The following WDR49 variants were observed in gnomAD, a reference collection of about 807,000 sequenced individuals.
WDR49 encodes the protein WD repeat domain 49, also known as cilia- and flagella-associated protein 337.
WDR49 carries 107 observed loss-of-function variants against 119.5 expected under a neutral mutation model. That is an observed-to-expected ratio of 0.90 (90% CI 0.77 to 1.05). The LOEUF (loss-of-function observed/expected upper bound fraction) is 1.05. WDR49 is among the 50% of genes least tolerant of loss of function. The pLI, the probability that WDR49 is intolerant of heterozygous loss-of-function variation, is 0.00. For missense variants in WDR49, 1,240 were observed against 1,220.5 expected (o/e 1.02, Z -0.24); for synonymous variants, 425 against 418.8 (o/e 1.01, Z -0.18).
upstream of WDR49, among the ~76,000 whole-genome samples, chr3:167,657,395 T>C (rs1466383397): frequency 6.6e-6 from 1 of 152,038 alleles, no homozygotes. Context: ...TACCATAATA[T>C]AATAAATCTA....
intron 2 of WDR49, among the ~76,000 whole-genome samples, chr3:167,639,825 A>T (rs929180555): frequency 3.3e-5 from 5 of 151,748 alleles, no homozygotes; most frequent in Non-Finnish European, 5.9e-5. Context: ...CATCCCAGAT[A>T]TCTGGCAAAA....
chr3:167,634,708 C>T (rs1309594180), intron 2 of WDR49, among the ~76,000 whole-genome samples: 1 of 151,776 alleles, frequency 6.6e-6, no homozygotes, highest in East Asian at 1.9e-4. Context: ...ACTTGACAGG[C>T]ATTTTTGTCA....
intron 8 of WDR49, among the ~76,000 whole-genome samples, chr3:167,567,453 T>C (rs1335658507): frequency 1.3e-5 from 2 of 152,228 alleles, no homozygotes; most frequent in Non-Finnish European, 2.9e-5. Flanking sequence ...CTGTTGTAGA[T>C]CCTGTGAAGT....
intron 10 of WDR49, among the ~76,000 whole-genome samples, chr3:167,543,645 G>C (rs1360932585): frequency 1.3e-5 from 2 of 151,702 alleles, no homozygotes; most frequent in African/African-American, 4.8e-5. Context: ...ATACTTCAAA[G>C]TAATAAAAGC....
chr3:167,560,677 C>A (rs1026175838), intron 8 of WDR49, among the ~76,000 whole-genome samples: 3 of 151,894 alleles, frequency 2.0e-5, no homozygotes, highest in Non-Finnish European at 4.4e-5. Flanking sequence ...ATGTTAATTT[C>A]AACAAATTAC....
chr3:167,647,385 T>C (rs1173653400), intron 2 of WDR49, among the ~76,000 whole-genome samples: 1 of 152,210 alleles, frequency 6.6e-6, no homozygotes, highest in East Asian at 1.9e-4. Flanking sequence ...GGCAGGAAGC[T>C]GTTAGAACTT....
At position 167,576,056 on chromosome 3, in the gene WDR49, A is replaced by C. The variant is rs1243783854; in HGVS notation, c.1371T>G (p.Phe457Leu). 1.2e-6 allele frequency: 2 copies of C among 1,614,096 alleles called. No individual in the cohort carries two copies. The highest frequency in any genetic ancestry group is 3.3e-5 in the Admixed American group (2 of 60,016). The change falls in exon 8 of 19, where the codon TTT becomes TTG. Residue 457 changes from phenylalanine (F) to leucine (L), a missense_variant. By Grantham distance (22) the Phe-to-Leu change is conservative (BLOSUM62 0). Coordinates refer to ENST00000682715, the MANE Select transcript of WDR49 (RefSeq NM_001366157.1). ...TGAAAAGTCGTCCATGGGCTTCATC[A>C]AAGTGGAAGAGACATCTGAAGTCCT... ...KSQDFRCLFH[F>L]DEAHGRLFIS...
Position 167,554,723 on chromosome 3 carries a change from G to T in WDR49, c.1750C>A (p.Leu584Ile), listed in dbSNP as rs374975469. The change falls in exon 10 of 19, where the codon CTC becomes ATC. Residue 584 changes from leucine (L) to isoleucine (I), a missense_variant. Coordinates refer to ENST00000682715, the MANE Select transcript of WDR49 (RefSeq NM_001366157.1). ...ACCAGTATTTTCTTCTTAAGAATGA[G>T]GATTTGTGAAATATCCACAGCTCCA... ...QDGAVDISQI[L>I]ILKKKILVTG... 5 of 1,613,192 alleles carry T rather than the reference G, an allele frequency of 3.1e-6. No individual in the cohort carries two copies. Among genetic ancestry groups the T allele is most frequent in the Non-Finnish European group, 4.2e-6 (5 of 1,179,666 alleles).
chr3:167,544,630 T>C (rs1486378626), intron 10 of WDR49, among the ~76,000 whole-genome samples: 1 of 151,988 alleles, frequency 6.6e-6, no homozygotes, highest in Non-Finnish European at 1.5e-5. Flanking sequence ...GCTAGGATAA[T>C]TGGCAAGCCA....
At chr3:167,558,303 C>T (rs148313856) in intron 9 of WDR49, among the ~76,000 whole-genome samples, 9 of 152,022 alleles carry the variant, frequency 5.9e-5, no homozygotes, top group Non-Finnish European at 1.2e-4. Flanking sequence ...AAAAATAGAC[C>T]GTTCAAAGCC....
At chr3:167,481,743 G>C (rs1310273045) in intron 18 of WDR49, among the ~76,000 whole-genome samples, 1 of 152,094 alleles carries the variant, frequency 6.6e-6, no homozygotes, top group African/African-American at 2.4e-5. Context: ...AAATGAGGAA[G>C]AAACAAATGT....
At position 167,483,923 on chromosome 3, in the gene WDR49, C is replaced by T. The variant is rs116432783; in HGVS notation, c.3032-4927G>A. Among the ~76,000 whole-genome samples the T allele has an allele frequency of 4.0e-3, 609 of 152,202 alleles. 5 individuals carry two copies. Among genetic ancestry groups the T allele is most frequent in the African/African-American group, 0.014 (587 of 41,506 alleles). On this transcript the variant is annotated intron_variant, in intron 18 of 18. Transcript: ENST00000682715. ...TCATTAACTTAACATCTTTTAAATG[C>T]GTAATGGTAATCAATTCTTCTCACT...
chr3:167,527,807 G>T lies in WDR49; in HGVS notation c.2604+13C>A. 3 of 1,607,922 alleles carry T rather than the reference G, an allele frequency of 1.9e-6. 1 individual carries two copies. In the South Asian group the frequency reaches 3.3e-5, roughly 18 times the overall value. On this transcript the variant is annotated intron_variant, in intron 15 of 18. Transcript: ENST00000682715. ...AAGTAAATACTAGAATAATAAAGAA[G>T]CAATATTTCTACCTGACCAAAGATC...
At chr3:167,517,958 C>T (rs1243515095) in intron 16 of WDR49, among the ~76,000 whole-genome samples, 1 of 149,790 alleles carries the variant, frequency 6.7e-6, no homozygotes, top group Admixed American at 6.7e-5. Context: ...TTCTTCAATT[C>T]CCACCTATGA....
intron 10 of WDR49, among the ~76,000 whole-genome samples, chr3:167,540,071 G>A (rs1711690676): frequency 6.6e-6 from 1 of 152,110 alleles, no homozygotes; most frequent in African/African-American, 2.4e-5. Flanking sequence ...CCACCTCCTG[G>A]CTGGAGGCCA....
intron 5 of WDR49, among the ~76,000 whole-genome samples, 186 bp downstream of exon 5, chr3:167,620,243 G>GA (rs1026280894): frequency 1.0e-4 from 15 of 145,934 alleles, no homozygotes; most frequent in East Asian, 2.0e-4. Flanking sequence ...AATTCAGAAG[G>GA]AAAAAAAAAA....
chr3:167,651,472 G>A (rs1226171010), intron 2 of WDR49, among the ~76,000 whole-genome samples: 1 of 152,028 alleles, frequency 6.6e-6, no homozygotes, highest in Non-Finnish European at 1.5e-5. Flanking sequence ...TCTTCTTTAG[G>A]TGTCCGTGCT....
intron 10 of WDR49, among the ~76,000 whole-genome samples, chr3:167,549,937 T>C (rs1712450825): frequency 6.6e-6 from 1 of 152,196 alleles, no homozygotes; most frequent in Non-Finnish European, 1.5e-5. Flanking sequence ...CCAGCACCAT[T>C]TATTAAATAG....
At position 167,500,161 on chromosome 3, in the gene WDR49, A is replaced by G; in HGVS notation, c.3023T>C (p.Leu1008Pro). Residue 1008 changes from leucine to proline, a missense_variant, in exon 18 of 19, where the codon CTT becomes CCT. Transcript: ENST00000682715. ...ERPQILEAPS[L>P]FKTLKAVFDE... ...GATGGCTGAGAACTTACTTTTAAAA[A>G]GTGACGGGGCCTCCAGAATTTGGGG... The G allele has an allele frequency of 6.4e-7, 1 of 1,565,882 alleles. No homozygotes were observed. The highest frequency in any genetic ancestry group is 8.6e-7 in the Non-Finnish European group (1 of 1,165,768).
Sources: allele counts gnomAD v4.1 joint callset (sites outside exome capture counted in the v4.1 genomes callset), GRCh38; gene constraint gnomAD v4.1.1; transcripts MANE v1.5; gene names NCBI Gene and HGNC (gene_info 2026-07-23, HGNC 2026-07-21).